SLC4A4: variants seen among roughly 807,000 people sequenced by gnomAD.
SLC4A4 encodes electrogenic sodium bicarbonate cotransporter 1.
In SLC4A4, 27 loss-of-function variants were observed where a neutral mutation model predicts 111.5. That is an observed-to-expected ratio of 0.24 (90% CI 0.18 to 0.33). The LOEUF is 0.33. SLC4A4 is among the 10% of genes least tolerant of loss of function. The pLI is 1.00. For missense variants in SLC4A4, 909 were observed against 1,315.5 expected (o/e 0.69, Z 4.78); for synonymous variants, 443 against 463.4 (o/e 0.96, Z 0.57).
intron 4 of SLC4A4, among the ~76,000 whole-genome samples, chr4:71,344,225 A>C (rs1157414074): frequency 6.6e-6 from 1 of 152,170 alleles, no homozygotes; most frequent in African/African-American, 2.4e-5. Flanking sequence ...TGGTTAATAG[A>C]ATCAATGAAT....
intron 3 of SLC4A4, among the ~76,000 whole-genome samples, chr4:71,323,574 TGGTTAAATGTG>T (rs1200552008): frequency 6.6e-6 from 1 of 151,980 alleles, no homozygotes; most frequent in Non-Finnish European, 1.5e-5. Context: ...TATGCCCTGG[TGGTTAAATGTG>T]GGTGAATGGA....
chr4:71,096,010 T>C (rs1360962986), intron 2 of SLC4A4, among the ~76,000 whole-genome samples: 1 of 152,028 alleles, frequency 6.6e-6, no homozygotes, highest in African/African-American at 2.4e-5. Context: ...AAGGGTAAAA[T>C]GGAAGGCCTG....
chr4:71,517,667 C>A (rs1298604644), intron 16 of SLC4A4, among the ~76,000 whole-genome samples: 1 of 151,976 alleles, frequency 6.6e-6, no homozygotes, highest in Non-Finnish European at 1.5e-5. Flanking sequence ...TGTCATGTTT[C>A]CTTGATTGTT....
chr4:71,436,786 C>T (rs1172781505), intron 7 of SLC4A4, among the ~76,000 whole-genome samples: 2 of 152,004 alleles, frequency 1.3e-5, no homozygotes, highest in East Asian at 1.9e-4. Context: ...ACAAGTTGTC[C>T]ATAATCCTTC....
chr4:71,225,967 G>T (rs977022110), intron 1 of SLC4A4, among the ~76,000 whole-genome samples: 1 of 152,164 alleles, frequency 6.6e-6, no homozygotes, highest in Non-Finnish European at 1.5e-5. Flanking sequence ...ACAATTTCTA[G>T]AGCTTAAGGC....
intron 13 of SLC4A4, among the ~76,000 whole-genome samples, chr4:71,472,264 T>A (rs911781498): frequency 6.6e-6 from 1 of 151,908 alleles, no homozygotes; most frequent in African/African-American, 2.4e-5. Flanking sequence ...TCGATTTGTT[T>A]CCCTCAGTAG....
chr4:71,129,899 C>T (rs1240506755), intron 2 of SLC4A4, among the ~76,000 whole-genome samples: 2 of 151,726 alleles, frequency 1.3e-5, no homozygotes, highest in South Asian at 2.1e-4. Flanking sequence ...CCAAATATTG[C>T]CTGTTCTCAC....
intron 1 of SLC4A4, among the ~76,000 whole-genome samples, chr4:71,206,272 T>C (rs2149007460): frequency 8.0e-6 from 1 of 124,908 alleles, no homozygotes; most frequent in Non-Finnish European, 1.7e-5. Context: ...ACCAAAAGAC[T>C]AGGGTATTTT....
chr4:71,352,052 C>G (rs1029082386), intron 5 of SLC4A4, among the ~76,000 whole-genome samples: 1 of 152,090 alleles, frequency 6.6e-6, no homozygotes, highest in African/African-American at 2.4e-5. Flanking sequence ...AAAACAGAAG[C>G]AAGCAGAAAG....
chr4:71,358,398 T>A (rs1195978163), intron 6 of SLC4A4, among the ~76,000 whole-genome samples: 1 of 151,144 alleles, frequency 6.6e-6, no homozygotes, highest in Non-Finnish European at 1.5e-5. Context: ...CAGAATAACA[T>A]AAAACCGGTT....
intron 2 of SLC4A4, among the ~76,000 whole-genome samples, chr4:71,144,867 T>G (rs1452446854): frequency 6.6e-6 from 1 of 152,224 alleles, no homozygotes; most frequent in East Asian, 1.9e-4. Flanking sequence ...TGGGGTTTTC[T>G]AGATATACAA....
At chr4:71,326,138 A>G (rs999447202) in intron 3 of SLC4A4, among the ~76,000 whole-genome samples, 1 of 151,824 alleles carries the variant, frequency 6.6e-6, no homozygotes, top group African/African-American at 2.4e-5. Context: ...GGAATTGCAC[A>G]TCCCAATAAA....
At chr4:71,462,415 CT>C (rs869306669) in intron 12 of SLC4A4, among the ~76,000 whole-genome samples, 1,885 of 121,894 alleles carry the variant, frequency 0.015, 8 homozygotes, top group South Asian at 0.043. Flanking sequence ...ACCTCCTCAT[CT>C]TTTTTTTTTT....
chr4:71,456,504 T>C (rs1726281911), intron 12 of SLC4A4, among the ~76,000 whole-genome samples: 1 of 152,122 alleles, frequency 6.6e-6, no homozygotes, highest in Admixed American at 6.6e-5. Context: ...CCGCACAAAA[T>C]TTTTGATTTT....
chr4:71,177,089 T>G (rs932379375), intron 2 of SLC4A4, among the ~76,000 whole-genome samples: 15 of 151,990 alleles, frequency 9.9e-5, no homozygotes, highest in South Asian at 6.2e-4. Flanking sequence ...AGCTTCATAA[T>G]TGAAGGAGAA....
At chr4:71,217,341 G>T (rs13119983) in intron 1 of SLC4A4, among the ~76,000 whole-genome samples, 28,454 of 152,100 alleles carry the variant, frequency 0.19, 3,580 homozygotes, top group Non-Finnish European at 0.29. Context: ...GCTGAGGTGG[G>T]CGATCCTGAG....
At chr4:71,427,056 A>T (rs189150800) in intron 7 of SLC4A4, among the ~76,000 whole-genome samples, 13 of 152,236 alleles carry the variant, frequency 8.5e-5, no homozygotes, top group Non-Finnish European at 1.0e-4. Flanking sequence ...AGATGCAAAA[A>T]TCATGTTTAC....
chr4:71,086,806 C>T (rs1193285465), intron 1 of SLC4A4, among the ~76,000 whole-genome samples: 1 of 152,004 alleles, frequency 6.6e-6, no homozygotes, highest in Non-Finnish European at 1.5e-5. Context: ...ATTCGGTTTG[C>T]CAGTATTTTA....
At chr4:71,436,143 G>T (rs1724121231) in intron 7 of SLC4A4, among the ~76,000 whole-genome samples, 1 of 152,126 alleles carries the variant, frequency 6.6e-6, no homozygotes, top group African/African-American at 2.4e-5. Context: ...CAATAGCAAA[G>T]ACTGGGAACC....
Sources: allele counts gnomAD v4.1 joint callset (sites outside exome capture counted in the v4.1 genomes callset), GRCh38; gene constraint gnomAD v4.1.1; transcripts MANE v1.5; gene names NCBI Gene and HGNC (gene_info 2026-07-23, HGNC 2026-07-21).